ZCCHC7: variants seen among roughly 807,000 people sequenced by gnomAD.
ZCCHC7 encodes the protein zinc finger CCHC domain-containing protein 7.
A neutral mutation model predicts 52.0 loss-of-function variants in ZCCHC7; 35 were observed. The ratio of observed to expected loss-of-function variants is 0.67; its 90% CI spans 0.51 to 0.89. ZCCHC7 has a LOEUF of 0.89. Among genes scored for constraint, ZCCHC7 ranks in the 40% least tolerant of loss-of-function variants. The pLI, the probability that ZCCHC7 is intolerant of heterozygous loss-of-function variation, is 0.00. For synonymous variants in ZCCHC7, 217 were observed against 221.5 expected (o/e 0.98, Z 0.18); for missense variants, 574 against 649.1 (o/e 0.88, Z 1.26).
chr9:37,357,161 T>C lies in ZCCHC7; in HGVS notation c.1525T>C (p.Ser509Pro). The change falls in exon 9 of 9, where the codon TCT becomes CCT. Residue 509 changes from serine (S) to proline (P), a missense_variant. Coordinates refer to ENST00000336755, the MANE Select transcript of ZCCHC7 (RefSeq NM_032226.3). ...SHYHTSREDK[S>P]PKEGKRGKQK... ...TTACCACACGTCAAGAGAAGACAAG[T>C]CTCCCAAGGAAGGCAAGAGGGGCAA... 6.2e-7 allele frequency: 1 copy of C among 1,612,550 alleles called. No individual in the cohort carries two copies. Among genetic ancestry groups the C allele is most frequent in the Non-Finnish European group, 8.5e-7 (1 of 1,179,776 alleles).
chr9:37,124,458 G>A lies in ZCCHC7; in HGVS notation c.-21-1854G>A, dbSNP rs1253035174. On this transcript the variant is annotated intron_variant, in intron 1 of 8. Transcript: ENST00000336755. ...TTATTCATTTATGAATTCAGCAAAC[G>A]TTTGTAGCTGACCCCGAAAATACCA... 4.0e-5 allele frequency among the ~76,000 whole-genome samples: 6 copies of A among 151,826 alleles called. No homozygotes were observed. In the South Asian group the frequency reaches 8.3e-4, roughly 21 times the overall value.
chr9:37,300,617 C>A (rs745718703), intron 2 of ZCCHC7, among the ~76,000 whole-genome samples: 1 of 152,152 alleles, frequency 6.6e-6, no homozygotes, highest in African/African-American at 2.4e-5. Context: ...ACACTTACTC[C>A]TGGTAGGCCT....
intron 2 of ZCCHC7, among the ~76,000 whole-genome samples, chr9:37,267,614 G>A (rs1433689114): frequency 7.0e-6 from 1 of 143,202 alleles, no homozygotes; most frequent in Non-Finnish European, 1.5e-5. Flanking sequence ...CTGTCACCCA[G>A]GCTGGAGTGC....
At chr9:37,315,717 C>G (rs1176151772) in intron 5 of ZCCHC7, among the ~76,000 whole-genome samples, 1 of 150,088 alleles carries the variant, frequency 6.7e-6, no homozygotes, top group Admixed American at 6.6e-5. Context: ...TAGACAGGAA[C>G]CAGTTCTAAT....
At chr9:37,317,688 T>A (rs1352856512) in intron 5 of ZCCHC7, among the ~76,000 whole-genome samples, 1 of 152,102 alleles carries the variant, frequency 6.6e-6, no homozygotes, top group African/African-American at 2.4e-5. Context: ...TCACGTAGTA[T>A]AACATTATGG....
intron 6 of ZCCHC7, among the ~76,000 whole-genome samples, chr9:37,346,886 CCTGGGAGGCTGAA>C (rs1160652417): frequency 1.3e-5 from 2 of 152,028 alleles, no homozygotes; most frequent in Non-Finnish European, 2.9e-5. Flanking sequence ...GTCTCAGCTA[CCTGGGAGGCTGAA>C]CTGGGAGGAT....
At chr9:37,312,182 G>T (rs895726163) in intron 5 of ZCCHC7, among the ~76,000 whole-genome samples, 9 of 152,176 alleles carry the variant, frequency 5.9e-5, no homozygotes, top group Non-Finnish European at 1.0e-4. Flanking sequence ...ACTAAGCCAA[G>T]ATTTGAATTT....
rs1293983611 is a variant in ZCCHC7 at position 37,126,649 on chromosome 9, A to G, written c.317A>G (p.Lys106Arg). The change falls in exon 2 of 9, where the codon AAG becomes AGG. Residue 106 changes from lysine to arginine, a missense_variant. By Grantham distance (26) the Lys-to-Arg change is conservative (BLOSUM62 2). Around this residue, in one of 3 missense-constraint regions of ZCCHC7, gnomAD observed 403 missense variants for 461.2 expected, o/e 0.87. Coordinates refer to ENST00000336755, the MANE Select transcript of ZCCHC7 (RefSeq NM_032226.3). ...DEDSIYRCKG[K>R]NVRVQAQENA... Reference sequence around the variant, plus strand: ...GACAGTATTTATAGATGTAAAGGAAAGAATGTTAGAGTTCAAGCACAAGAA... The same window carrying G: ...GACAGTATTTATAGATGTAAAGGAAGGAATGTTAGAGTTCAAGCACAAGAA... 1 of 1,614,208 alleles carries G rather than the reference A, an allele frequency of 6.2e-7. No individual in the cohort carries two copies. The highest frequency in any genetic ancestry group is 8.5e-7 in the Non-Finnish European group (1 of 1,180,032).
intron 2 of ZCCHC7, among the ~76,000 whole-genome samples, chr9:37,273,842 A>G (rs1019159931): frequency 5.9e-5 from 9 of 151,618 alleles, no homozygotes; most frequent in East Asian, 5.8e-4. Flanking sequence ...TTTCTCAGAG[A>G]TATGTGGGAA....
In ZCCHC7 at chr9:37,215,885, A is replaced by G. The variant is rs557183052; in HGVS notation, c.611-86303A>G. ...TTGTAATTGATTTAATTGTGTGTGTATATTTTTAAACATTTTAATTTTGTT... is the reference window on the plus strand; with the variant it reads ...TTGTAATTGATTTAATTGTGTGTGTGTATTTTTAAACATTTTAATTTTGTT... On this transcript the variant is annotated intron_variant, in intron 2 of 8. Coordinates refer to ENST00000336755, the MANE Select transcript of ZCCHC7 (RefSeq NM_032226.3). Among the ~76,000 whole-genome samples the G allele has an allele frequency of 1.0e-3, 156 of 152,318 alleles. 1 individual carries two copies. The highest frequency in any genetic ancestry group is 3.5e-3 in the African/African-American group (144 of 41,568).
intron 2 of ZCCHC7, among the ~76,000 whole-genome samples, chr9:37,216,002 CAGTT>C (rs1260368115): frequency 6.6e-6 from 1 of 152,130 alleles, no homozygotes; most frequent in Non-Finnish European, 1.5e-5. Context: ...TCATTATTCA[CAGTT>C]AAAGGATTAG....
At chr9:37,285,064 C>T (rs1828144377) in intron 2 of ZCCHC7, among the ~76,000 whole-genome samples, 2 of 151,738 alleles carry the variant, frequency 1.3e-5, no homozygotes, top group African/African-American at 4.8e-5. Flanking sequence ...TGGAGGGGAG[C>T]GTTTCATTTA....
At chr9:37,211,375 G>A (rs2133214010) in intron 2 of ZCCHC7, among the ~76,000 whole-genome samples, 1 of 152,142 alleles carries the variant, frequency 6.6e-6, no homozygotes, top group African/African-American at 2.4e-5. Flanking sequence ...TGGGGTTTTG[G>A]TTTTGGTTTT....
At chr9:37,318,743 T>TCTCTC (rs2117964699) in intron 5 of ZCCHC7, among the ~76,000 whole-genome samples, 1 of 151,768 alleles carries the variant, frequency 6.6e-6, no homozygotes, top group Non-Finnish European at 1.5e-5. Flanking sequence ...TGAAACCCTG[T>TCTCTC]CTCTCCTAAA....
At chr9:37,206,852 C>G (rs114747810) in intron 2 of ZCCHC7, among the ~76,000 whole-genome samples, 2 of 152,004 alleles carry the variant, frequency 1.3e-5, no homozygotes, top group African/African-American at 4.8e-5. Flanking sequence ...TCCAGGATCA[C>G]TATTCTGCCA....
intron 5 of ZCCHC7, among the ~76,000 whole-genome samples, chr9:37,312,286 C>G (rs1349079728): frequency 6.6e-6 from 1 of 152,182 alleles, no homozygotes; most frequent in Non-Finnish European, 1.5e-5. Context: ...AAACTTTCTA[C>G]ATTTGTTCAT....
intron 2 of ZCCHC7, among the ~76,000 whole-genome samples, chr9:37,134,766 C>T (rs1842930051): frequency 6.6e-6 from 1 of 152,128 alleles, no homozygotes; most frequent in Non-Finnish European, 1.5e-5. Context: ...GCTCTTGTTG[C>T]CCAGGCTGGA....
At chr9:37,133,295 T>C (rs1281293204) in intron 2 of ZCCHC7, among the ~76,000 whole-genome samples, 1 of 152,122 alleles carries the variant, frequency 6.6e-6, no homozygotes, top group Non-Finnish European at 1.5e-5. Context: ...ATAACTGTTA[T>C]ATTGTATTTA....
chr9:37,227,285 A>G (rs1378005919), intron 2 of ZCCHC7, among the ~76,000 whole-genome samples: 1 of 152,220 alleles, frequency 6.6e-6, no homozygotes, highest in East Asian at 1.9e-4. Context: ...GAACAATCCA[A>G]GTAAACATGG....
Sources: gnomAD v4.1 joint callset for allele counts (sites outside exome capture counted in the v4.1 genomes callset) on GRCh38, gnomAD v4.1.1 for gene constraint, gnomAD v4.1.1 regional missense constraint, MANE v1.5 for transcripts, NCBI Gene and HGNC (gene_info 2026-07-23, HGNC 2026-07-21) for gene names.